Variants in RHBDD1 observed in about 807,000 individuals in gnomAD.
The protein encoded by RHBDD1 is rhomboid domain containing 1.
In RHBDD1, 38 loss-of-function variants were observed where a neutral mutation model predicts 36.3. That is an observed-to-expected ratio of 1.05 (90% CI 0.81 to 1.37). RHBDD1 has a LOEUF of 1.37. RHBDD1 is among the 40% of genes most tolerant of loss of function. The pLI is 0.00. For synonymous variants in RHBDD1, 151 were observed against 136.5 expected (o/e 1.11, Z -0.74); for missense variants, 393 against 377.6 (o/e 1.04, Z -0.34).
intron 8 of RHBDD1, among the ~76,000 whole-genome samples, chr2:226,916,454 T>C (rs570836613): frequency 6.6e-6 from 1 of 152,304 alleles, no homozygotes; most frequent in Admixed American, 6.5e-5. Context: ...ACCACTGGGC[T>C]ATCCATGAAA....
chr2:226,896,535 T>C (rs563367244), intron 5 of RHBDD1, among the ~76,000 whole-genome samples: 12 of 152,336 alleles, frequency 7.9e-5, no homozygotes, highest in Non-Finnish European at 1.3e-4. Flanking sequence ...CCATCATCTT[T>C]TACCGGGACT....
intron 5 of RHBDD1, among the ~76,000 whole-genome samples, chr2:226,873,798 G>A (rs999507831): frequency 4.6e-5 from 7 of 152,188 alleles, no homozygotes; most frequent in Non-Finnish European, 7.4e-5. Context: ...AGACATGGAG[G>A]AAGAAAAGGT....
At chr2:226,916,711 G>A (rs1275453937) in intron 8 of RHBDD1, among the ~76,000 whole-genome samples, 9 of 152,162 alleles carry the variant, frequency 5.9e-5, no homozygotes, top group Non-Finnish European at 1.0e-4. Context: ...TAGGCAGCCC[G>A]AGTGAGAATA....
chr2:226,947,943 A>G (rs567847843), intron 8 of RHBDD1, among the ~76,000 whole-genome samples: 124 of 152,338 alleles, frequency 8.1e-4, no homozygotes, highest in African/African-American at 2.8e-3. Context: ...ATGTGGAGAA[A>G]TAGGAACACT....
intron 8 of RHBDD1, among the ~76,000 whole-genome samples, chr2:226,969,698 A>G (rs1953076475): frequency 6.6e-6 from 1 of 152,214 alleles, no homozygotes; most frequent in African/African-American, 2.4e-5. Flanking sequence ...ATGCATTTTG[A>G]AGGAAATGTA....
intron 8 of RHBDD1, among the ~76,000 whole-genome samples, chr2:226,978,628 C>T (rs1227028365): frequency 6.6e-6 from 1 of 152,214 alleles, no homozygotes; most frequent in Non-Finnish European, 1.5e-5. Flanking sequence ...GACATAAACC[C>T]TCACTGTCCT....
At chr2:226,949,257 C>A (rs914938497) in intron 8 of RHBDD1, among the ~76,000 whole-genome samples, 3 of 152,116 alleles carry the variant, frequency 2.0e-5, no homozygotes, top group African/African-American at 7.2e-5. Context: ...ACTTTCTTCA[C>A]ATAATTAGAA....
chr2:226,948,130 C>T (rs1010740681), intron 8 of RHBDD1, among the ~76,000 whole-genome samples: 6 of 151,002 alleles, frequency 4.0e-5, no homozygotes, highest in Admixed American at 2.0e-4. Context: ...ATGTTTATTG[C>T]GGCATTATTC....
intron 8 of RHBDD1, among the ~76,000 whole-genome samples, chr2:226,952,075 G>A (rs1354860323): frequency 6.6e-6 from 1 of 152,124 alleles, no homozygotes; most frequent in African/African-American, 2.4e-5. Context: ...GTTGGGGTGA[G>A]GGAGTGTGCA....
intron 8 of RHBDD1, among the ~76,000 whole-genome samples, chr2:226,944,362 A>G (rs1310567367): frequency 6.6e-6 from 1 of 152,204 alleles, no homozygotes; most frequent in African/African-American, 2.4e-5. Flanking sequence ...CAGCGGTTGT[A>G]CAATTGCTGT....
chr2:226,944,999 T>C (rs1467095052), intron 8 of RHBDD1, among the ~76,000 whole-genome samples: 2 of 152,042 alleles, frequency 1.3e-5, no homozygotes, highest in African/African-American at 4.8e-5. Context: ...GTGGTTACAA[T>C]GTATTTTTCA....
At chr2:226,916,447 A>G (rs10186147) in intron 8 of RHBDD1, among the ~76,000 whole-genome samples, 2,034 of 152,256 alleles carry the variant, frequency 0.013, 45 homozygotes, top group African/African-American at 0.046. Context: ...TTTAATCACC[A>G]CTGGGCTATC....
intron 8 of RHBDD1, among the ~76,000 whole-genome samples, chr2:226,954,910 G>A (rs1054595235): frequency 2.6e-5 from 4 of 151,992 alleles, no homozygotes; most frequent in East Asian, 1.9e-4. Context: ...GTTCATACAC[G>A]TATGGCGGGA....
chr2:226,974,504 T>C (rs555972932), intron 8 of RHBDD1, among the ~76,000 whole-genome samples: 121 of 152,350 alleles, frequency 7.9e-4, no homozygotes, highest in African/African-American at 2.8e-3. Context: ...CCCAAAGTGC[T>C]GGGATTACAG....
Position 226,864,803 on chromosome 2 carries a change from T to A in RHBDD1, c.110T>A (p.Leu37His). ...IPPVTLATLA[L>H]NIWFFLNPQK... ...CCTGTCACCCTAGCAACTTTGGCCCTCAACATCTGGTTCTTCTTGAACCCT... is the reference window on the plus strand; with the variant it reads ...CCTGTCACCCTAGCAACTTTGGCCCACAACATCTGGTTCTTCTTGAACCCT... Residue 37 changes from leucine (L) to histidine (H), a missense_variant, in exon 4 of 9, where the codon CTC becomes CAC. Transcript: ENST00000392062. 1 of 1,614,206 alleles carries A rather than the reference T, an allele frequency of 6.2e-7. No homozygotes were observed. Among genetic ancestry groups the A allele is most frequent in the South Asian group, 1.1e-5 (1 of 91,080 alleles).
At chr2:226,976,368 C>T (rs1013523476) in intron 8 of RHBDD1, among the ~76,000 whole-genome samples, 6 of 151,154 alleles carry the variant, frequency 4.0e-5, no homozygotes, top group Admixed American at 2.6e-4. Flanking sequence ...GTCGAGACGT[C>T]TGCTTCAGCT....
chr2:226,816,845 C>A, the RHBDD1 span, among the ~76,000 whole-genome samples: 78 of 139,556 alleles, frequency 5.6e-4, no homozygotes, highest in African/African-American at 1.8e-3. Context: ...GCAGTGGGCC[C>A]AGATAGCACC....
At chr2:226,852,877 G>C (rs1942951436) in intron 3 of RHBDD1, among the ~76,000 whole-genome samples, 1 of 149,464 alleles carries the variant, frequency 6.7e-6, no homozygotes, top group African/African-American at 2.4e-5. Flanking sequence ...AGGATTATAG[G>C]TGTGTGCCAC....
intron 5 of RHBDD1, among the ~76,000 whole-genome samples, chr2:226,904,427 G>GA (rs768405024): frequency 1.1e-5 from 1 of 90,822 alleles, no homozygotes; most frequent in Non-Finnish European, 2.3e-5. Context: ...GGGGGGAGGG[G>GA]GGTCAGGGAA....
Sources: gnomAD v4.1 joint callset for allele counts (sites outside exome capture counted in the v4.1 genomes callset) on GRCh38, gnomAD v4.1.1 for gene constraint, MANE v1.5 for transcripts, NCBI Gene and HGNC (gene_info 2026-07-23, HGNC 2026-07-21) for gene names.